The following GUCY1B1 variants were observed in gnomAD, a reference collection of about 807,000 sequenced individuals.
GUCY1B1 encodes the protein guanylate cyclase soluble subunit beta-1.
GUCY1B1 carries 43 observed loss-of-function variants against 71.0 expected under a neutral mutation model. The observed-to-expected ratio is 0.61, with a 90% CI of 0.47 to 0.78. The LOEUF is 0.78. Among genes scored for constraint, GUCY1B1 ranks in the 30% least tolerant of loss-of-function variants. The pLI, the probability that GUCY1B1 is intolerant of heterozygous loss-of-function variation, is 0.00. For missense variants in GUCY1B1, 535 were observed against 754.1 expected, an observed-to-expected ratio of 0.71 and a Z score of 3.40; for synonymous variants, 266 against 259.7, an observed-to-expected ratio of 1.02 and a Z score of -0.23.
At chr4:155,781,875 AAG>A (rs888685612) in intron 4 of GUCY1B1, among the ~76,000 whole-genome samples, 2 of 152,078 alleles carry the variant, frequency 1.3e-5, no homozygotes, top group African/African-American at 4.8e-5. Context: ...ATGTATCAAA[AAG>A]AGAAAAAGAA....
At chr4:155,798,528 A>G (rs924383170) in intron 8 of GUCY1B1, among the ~76,000 whole-genome samples, 3 of 152,140 alleles carry the variant, frequency 2.0e-5, no homozygotes, top group Non-Finnish European at 2.9e-5. Flanking sequence ...CGTGTATTTC[A>G]TTAGTAAAAT....
chr4:155,797,740 A>T (rs1739657254), intron 8 of GUCY1B1, among the ~76,000 whole-genome samples: 1 of 148,874 alleles, frequency 6.7e-6, no homozygotes, highest in Non-Finnish European at 1.5e-5. Flanking sequence ...TCTCAAAATA[A>T]TAATAATAAT....
At chr4:155,797,599 G>A (rs558846284) in intron 8 of GUCY1B1, among the ~76,000 whole-genome samples, 1 of 151,860 alleles carries the variant, frequency 6.6e-6, no homozygotes, top group East Asian at 1.9e-4. Flanking sequence ...TTAGCCAGGA[G>A]TGGTGGTGGG....
intron 4 of GUCY1B1, among the ~76,000 whole-genome samples, chr4:155,788,217 T>C (rs779265069): frequency 6.6e-6 from 1 of 152,172 alleles, no homozygotes; most frequent in Non-Finnish European, 1.5e-5. Flanking sequence ...TTGGGGATAA[T>C]TGTTTTCTTC....
rs565341350 is a variant in GUCY1B1 at position 155,803,872 on chromosome 4, G to T, written c.1554+108G>T. On this transcript the variant is annotated intron_variant, in intron 11 of 13. Transcript: ENST00000264424. ...TAACGTGTATAAAGAAGGGCATCTTGACAACAAAGACTATAGCATTTCATC... is the reference window on the plus strand; with the variant it reads ...TAACGTGTATAAAGAAGGGCATCTTTACAACAAAGACTATAGCATTTCATC... 6 of 628,268 alleles carry T rather than the reference G, an allele frequency of 9.6e-6. No homozygotes were observed. In the African/African-American group the frequency reaches 1.1e-4, roughly 12 times the overall value. 38.9% of individuals were successfully genotyped at this position (628,268 alleles called of 1,614,324 possible). A position where few individuals can be genotyped will look rare whatever the true frequency, so the allele number is the denominator to read the frequency against.
intron 2 of GUCY1B1, among the ~76,000 whole-genome samples, chr4:155,774,627 A>T (rs1319036262): frequency 6.6e-6 from 1 of 152,226 alleles, no homozygotes; most frequent in Non-Finnish European, 1.5e-5. Context: ...CTGGCACCTA[A>T]TAGGGACTCA....
chr4:155,807,338 T>A lies in GUCY1B1; in HGVS notation c.*929T>A, dbSNP rs561333479. 14 of 152,300 alleles carry A rather than the reference T, an allele frequency of 9.2e-5. No homozygotes were observed. Among genetic ancestry groups the A allele is most frequent in the African/African-American group, 3.1e-4 (13 of 41,576 alleles). The allele number at this position is 152,300 out of a possible 1,614,324, so 9.4% of individuals were successfully genotyped here. A position where few individuals can be genotyped will look rare whatever the true frequency, so the allele number is the denominator to read the frequency against. ...TCCTTAGCTTAGAAGAATGTGATTATATCCAGGACATCATGTTCAGAAAAC... is the reference window on the plus strand; with the variant it reads ...TCCTTAGCTTAGAAGAATGTGATTAAATCCAGGACATCATGTTCAGAAAAC... On this transcript the variant is annotated 3_prime_UTR_variant, in exon 14 of 14. Coordinates refer to ENST00000264424, the MANE Select transcript of GUCY1B1 (RefSeq NM_000857.5).
intron 4 of GUCY1B1, among the ~76,000 whole-genome samples, chr4:155,787,550 C>T (rs1738881091): frequency 6.6e-6 from 1 of 152,152 alleles, no homozygotes; most frequent in Admixed American, 6.5e-5. Context: ...TTGGCTTCCT[C>T]ATTTGCTCAT....
intron 2 of GUCY1B1, among the ~76,000 whole-genome samples, chr4:155,761,382 G>C (rs1301641570): frequency 6.6e-6 from 1 of 151,896 alleles, no homozygotes. Flanking sequence ...TGATGCTTTT[G>C]CATCTGTAAG....
chr4:155,798,519 G>T (rs1041822646), intron 8 of GUCY1B1, among the ~76,000 whole-genome samples: 1 of 152,042 alleles, frequency 6.6e-6, no homozygotes, highest in East Asian at 1.9e-4. Flanking sequence ...AAAAGACACC[G>T]TGTATTTCAT....
intron 4 of GUCY1B1, among the ~76,000 whole-genome samples, chr4:155,782,659 C>T (rs1227794825): frequency 6.6e-6 from 1 of 152,184 alleles, no homozygotes; most frequent in African/African-American, 2.4e-5. Flanking sequence ...GTAAAATTCT[C>T]TTTTCCTTGA....
At chr4:155,782,670 A>C (rs899956730) in intron 4 of GUCY1B1, among the ~76,000 whole-genome samples, 5 of 152,124 alleles carry the variant, frequency 3.3e-5, no homozygotes, top group African/African-American at 4.8e-5. Context: ...TTTTCCTTGA[A>C]TCTGGGTTGG....
In GUCY1B1 at chr4:155,804,589, GC is replaced by G; in HGVS notation, c.1555-3del. On this transcript the variant is annotated splice_polypyrimidine_tract_variant and splice_region_variant and intron_variant, in intron 11 of 13. Transcript: ENST00000264424. ...TGATTGAAGCAAAGCTTTCTTTTTTGCAGATAACAATAGGGATACACACTGG... is the reference window on the plus strand; with the variant it reads ...TGATTGAAGCAAAGCTTTCTTTTTTGAGATAACAATAGGGATACACACTGG... The G allele has an allele frequency of 6.3e-7, 1 of 1,591,920 alleles. No individual in the cohort carries two copies. Among genetic ancestry groups the G allele is most frequent in the Non-Finnish European group, 8.5e-7 (1 of 1,171,020 alleles).
intron 5 of GUCY1B1, 84 bp downstream of exon 5, chr4:155,789,995 A>G (rs761766762): frequency 6.2e-5 from 54 of 874,312 alleles, no homozygotes; most frequent in Non-Finnish European, 9.9e-5. Flanking sequence ...ACCTGCAGTT[A>G]TCACTGTTAG....
chr4:155,774,793 A>C (rs1231443219), intron 2 of GUCY1B1, among the ~76,000 whole-genome samples, 175 bp from the exon 3 acceptor site: 1 of 152,174 alleles, frequency 6.6e-6, no homozygotes, highest in African/African-American at 2.4e-5. Flanking sequence ...ATATGACATC[A>C]TTTCTGCTCT....
At chr4:155,768,008 C>T (rs181774381) in intron 2 of GUCY1B1, among the ~76,000 whole-genome samples, 8 of 152,176 alleles carry the variant, frequency 5.3e-5, no homozygotes, top group Admixed American at 3.9e-4. Context: ...TTTAATACAG[C>T]ATGTGTTCTG....
chr4:155,771,712 C>A (rs184027209), intron 2 of GUCY1B1, among the ~76,000 whole-genome samples: 2 of 152,114 alleles, frequency 1.3e-5, no homozygotes, highest in African/African-American at 4.8e-5. Context: ...AGAATTTGTT[C>A]TGTTTTTACA....
chr4:155,775,199 T>C (rs907351362), intron 3 of GUCY1B1, 131 bp downstream of exon 3: 5 of 660,146 alleles, frequency 7.6e-6, no homozygotes, highest in Non-Finnish European at 1.4e-5. Flanking sequence ...AGTTGTGTGG[T>C]GGGCATCCAC....
At chr4:155,771,123 G>A (rs1737668960) in intron 2 of GUCY1B1, among the ~76,000 whole-genome samples, 1 of 152,256 alleles carries the variant, frequency 6.6e-6, no homozygotes, top group East Asian at 1.9e-4. Flanking sequence ...AAAAAGGGTA[G>A]CCCCACATTC....
Sources: allele counts gnomAD v4.1 joint callset (sites outside exome capture counted in the v4.1 genomes callset), GRCh38; gene constraint gnomAD v4.1.1; transcripts MANE v1.5; gene names NCBI Gene and HGNC (gene_info 2026-07-23, HGNC 2026-07-21).